The following FCHSD2 variants were observed in gnomAD, a reference collection of about 807,000 sequenced individuals.
FCHSD2 encodes the protein FCH and double SH3 domains 2, also known as F-BAR and double SH3 domains protein 2.
FCHSD2 carries 38 observed loss-of-function variants against 108.1 expected under a neutral mutation model. The ratio of observed to expected loss-of-function variants is 0.35; its 90% CI spans 0.27 to 0.46. FCHSD2 has a LOEUF of 0.46. Ranked by LOEUF, FCHSD2 falls within the 20% of genes least tolerant of loss-of-function variation. FCHSD2 has a pLI of 1.00. For missense variants in FCHSD2, 751 were observed against 897.8 expected, an observed-to-expected ratio of 0.84 and a Z score of 2.09; for synonymous variants, 279 against 314.7, an observed-to-expected ratio of 0.89 and a Z score of 1.20.
chr11:72,953,324 CCTTTTTCACAATTT>C (rs1346635587), intron 8 of FCHSD2, among the ~76,000 whole-genome samples: 1 of 152,130 alleles, frequency 6.6e-6, no homozygotes, highest in Admixed American at 6.5e-5. Context: ...TTTCAAAATT[CCTTTTTCACAATTT>C]CTTTTTCAAA....
At chr11:73,007,417 T>C (rs1857764184) in intron 4 of FCHSD2, among the ~76,000 whole-genome samples, 1 of 152,048 alleles carries the variant, frequency 6.6e-6, no homozygotes, top group Non-Finnish European at 1.5e-5. Flanking sequence ...GGCCAGGAGT[T>C]TGAGATCAGC....
intron 3 of FCHSD2, among the ~76,000 whole-genome samples, chr11:73,020,003 T>A (rs1478140352): frequency 6.6e-6 from 1 of 152,170 alleles, no homozygotes; most frequent in African/African-American, 2.4e-5. Flanking sequence ...TTATTTATAT[T>A]TACCTAAGCA....
intron 3 of FCHSD2, among the ~76,000 whole-genome samples, chr11:73,019,566 G>C (rs2135437589): frequency 1.3e-5 from 2 of 152,216 alleles, no homozygotes; most frequent in Middle Eastern, 3.4e-3. Context: ...GAGCCCTTCA[G>C]AGATGAGATG....
intron 8 of FCHSD2, among the ~76,000 whole-genome samples, chr11:72,976,533 G>A (rs1005727891): frequency 6.6e-6 from 1 of 151,946 alleles, no homozygotes; most frequent in Admixed American, 6.6e-5. Flanking sequence ...TCCCACCCCC[G>A]CCTTCCAAAG....
intron 8 of FCHSD2, 54 bp from the exon 9 acceptor site, chr11:72,922,004 T>C (rs1423730341): frequency 9.7e-5 from 127 of 1,305,434 alleles, no homozygotes; most frequent in Non-Finnish European, 1.3e-4. Flanking sequence ...CCTTGACATA[T>C]GATATCTTCT....
chr11:73,025,290 A>G (rs1858200830), intron 3 of FCHSD2, among the ~76,000 whole-genome samples: 2 of 152,154 alleles, frequency 1.3e-5, no homozygotes, highest in African/African-American at 4.8e-5. Context: ...TATATATACC[A>G]TGGAGTACTA....
chr11:72,978,117 C>A (rs1464742970), intron 8 of FCHSD2, among the ~76,000 whole-genome samples: 1 of 151,710 alleles, frequency 6.6e-6, no homozygotes, highest in Non-Finnish European at 1.5e-5. Context: ...ACAATGAGAA[C>A]ACTTGGACAC....
At chr11:72,909,697 GGATGT>G (rs1855714006) in intron 9 of FCHSD2, among the ~76,000 whole-genome samples, 1 of 149,256 alleles carries the variant, frequency 6.7e-6, no homozygotes, top group Non-Finnish European at 1.5e-5. Context: ...GCCCCGTCTG[GGATGT>G]GAGGAGCGCC....
chr11:73,111,365 T>C (rs962670526), intron 2 of FCHSD2, among the ~76,000 whole-genome samples: 4 of 152,216 alleles, frequency 2.6e-5, no homozygotes, highest in African/African-American at 9.6e-5. Context: ...CATTATACAA[T>C]GACCTTCTTT....
In FCHSD2 at chr11:73,080,696, C is replaced by T. The variant is rs141619117; in HGVS notation, c.165+2999G>A. ...TGGTGGCTCACACCTGTAATCTCAG[C>T]ACTTTCGGAGGCTGAGGTGGGCGGA... On this transcript the variant is annotated intron_variant, in intron 3 of 19. Coordinates refer to ENST00000409418, the MANE Select transcript of FCHSD2 (RefSeq NM_014824.3). Among the ~76,000 whole-genome samples, 1,051 of 152,192 alleles carry T rather than the reference C, an allele frequency of 6.9e-3. 8 individuals are homozygous for T. Among genetic ancestry groups the T allele is most frequent in the African/African-American group, 0.024 (996 of 41,526 alleles).
At chr11:73,115,754 G>A (rs1193801989) in intron 2 of FCHSD2, among the ~76,000 whole-genome samples, 3 of 152,194 alleles carry the variant, frequency 2.0e-5, no homozygotes, top group African/African-American at 4.8e-5. Context: ...GCAGTCTTGA[G>A]GCAAAATTTC....
At chr11:72,929,305 A>G (rs1856142740) in intron 8 of FCHSD2, among the ~76,000 whole-genome samples, 1 of 152,190 alleles carries the variant, frequency 6.6e-6, no homozygotes, top group South Asian at 2.1e-4. Context: ...AGCCACTTTC[A>G]ATGGAGATTA....
chr11:72,944,615 T>C (rs1856483522), intron 8 of FCHSD2, among the ~76,000 whole-genome samples: 1 of 152,134 alleles, frequency 6.6e-6, no homozygotes, highest in Non-Finnish European at 1.5e-5. Context: ...AAATTGTCCC[T>C]GTTTGTAGAT....
intron 3 of FCHSD2, among the ~76,000 whole-genome samples, chr11:73,082,807 C>T (rs1016696896): frequency 1.3e-5 from 2 of 152,178 alleles, no homozygotes; most frequent in African/African-American, 2.4e-5. Flanking sequence ...AAAGTAATTG[C>T]TTAAAGGGTC....
chr11:73,133,147 C>G (rs1222123595), intron 2 of FCHSD2, among the ~76,000 whole-genome samples: 1 of 152,030 alleles, frequency 6.6e-6, no homozygotes, highest in Non-Finnish European at 1.5e-5. Context: ...AGAAATAGGA[C>G]CCATCATGTA....
intron 2 of FCHSD2, among the ~76,000 whole-genome samples, chr11:73,085,920 A>C (rs995428194): frequency 6.6e-6 from 1 of 152,236 alleles, no homozygotes; most frequent in African/African-American, 2.4e-5. Flanking sequence ...AAAACAAGCC[A>C]ATACAAATTG....
intron 8 of FCHSD2, among the ~76,000 whole-genome samples, chr11:72,961,103 C>T (rs1002519606): frequency 5.9e-5 from 9 of 152,150 alleles, no homozygotes; most frequent in Non-Finnish European, 1.2e-4. Context: ...TGACTTTTCA[C>T]CCTGTTTTTA....
At chr11:73,070,371 C>A (rs1859404343) in intron 3 of FCHSD2, among the ~76,000 whole-genome samples, 1 of 152,156 alleles carries the variant, frequency 6.6e-6, no homozygotes, top group Non-Finnish European at 1.5e-5. Flanking sequence ...ATCCCTAGAA[C>A]CTAGCATCAC....
intron 2 of FCHSD2, among the ~76,000 whole-genome samples, chr11:73,084,994 GAA>G (rs1859782674): frequency 6.8e-6 from 1 of 147,772 alleles, no homozygotes; most frequent in South Asian, 2.1e-4. Context: ...CTGAAATAAA[GAA>G]AAAGTCAAGA....
Sources: allele counts gnomAD v4.1 joint callset (sites outside exome capture counted in the v4.1 genomes callset), GRCh38; gene constraint gnomAD v4.1.1; transcripts MANE v1.5; gene names NCBI Gene and HGNC (gene_info 2026-07-23, HGNC 2026-07-21).